Variants in ACER1 observed in about 807,000 individuals in gnomAD.
The protein encoded by ACER1 is CTB-180A7.3.
In ACER1, 28 loss-of-function variants were observed where a neutral mutation model predicts 24.9. That is an observed-to-expected ratio of 1.13 (90% CI 0.83 to 1.54). The LOEUF (loss-of-function observed/expected upper bound fraction) is 1.54, where lower values mean the gene tolerates loss of function less well. ACER1 is among the 40% of genes most tolerant of loss of function. ACER1 has a pLI of 0.00. For synonymous variants in ACER1, 132 were observed against 131.4 expected (o/e 1.00, Z -0.03); for missense variants, 352 against 349.3 (o/e 1.01, Z -0.06).
upstream of ACER1, among the ~76,000 whole-genome samples, chr19:6,337,431 C>T (rs376372753): frequency 2.7e-5 from 4 of 150,702 alleles, no homozygotes; most frequent in Admixed American, 1.3e-4. Flanking sequence ...TTTCCATTCA[C>T]GGTAGGGTTA....
chr19:6,356,574 A>G, the ACER1 span, among the ~76,000 whole-genome samples: 3 of 152,252 alleles, frequency 2.0e-5, no homozygotes, highest in South Asian at 2.1e-4. Context: ...GCCCTTTTGC[A>G]TGCCCTTCTC....
chr19:6,355,736 CCAGGAGGGAGG>C, the ACER1 span, among the ~76,000 whole-genome samples: 1 of 142,406 alleles, frequency 7.0e-6, no homozygotes, highest in African/African-American at 2.7e-5. Flanking sequence ...GCCGCCCCGT[CCAGGAGGGAGG>C]TGGGGGGGTC....
At chr19:6,349,479 AGGAG>A in the ACER1 span, among the ~76,000 whole-genome samples, 1,613 of 133,634 alleles carry the variant, frequency 0.012, 43 homozygotes, top group African/African-American at 0.047. Flanking sequence ...GAAGGAAGGA[AGGAG>A]GGAGGGAAGG....
rs567036401 is a variant in ACER1, at chr19:6,323,346, A to G, written c.93+10113T>C. On this transcript the variant is annotated intron_variant, in intron 1 of 5. Transcript: ENST00000301452. ...GAGGCAGGAGAATGGTGTGAACCCTAGGGGGCAGAGCCTGCAGTGAGCAGA... is the reference window on the plus strand; with the variant it reads ...GAGGCAGGAGAATGGTGTGAACCCTGGGGGGCAGAGCCTGCAGTGAGCAGA... Among the ~76,000 whole-genome samples the G allele has an allele frequency of 2.3e-3, 351 of 149,468 alleles. 9 individuals are homozygous for G. In the East Asian group the frequency reaches 0.067, roughly 29 times the overall value.
intron 1 of ACER1, among the ~76,000 whole-genome samples, chr19:6,320,363 A>G (rs1316254629): frequency 1.3e-5 from 2 of 152,056 alleles, no homozygotes; most frequent in Non-Finnish European, 2.9e-5. Context: ...CCCAGGCTGG[A>G]GTGTAGCGGC....
the ACER1 span, among the ~76,000 whole-genome samples, chr19:6,354,207 T>TA: frequency 2.0e-5 from 3 of 149,962 alleles, no homozygotes; most frequent in East Asian, 1.9e-4. Context: ...TAAAATAAAA[T>TA]AAATAAGTAA....
At chr19:6,354,036 G>T in the ACER1 span, among the ~76,000 whole-genome samples, 2 of 151,288 alleles carry the variant, frequency 1.3e-5, no homozygotes, top group Admixed American at 1.3e-4. Flanking sequence ...ACAAAAATTA[G>T]CCAGGCATGG....
chr19:6,307,329 A>G (rs767968355), intron 4 of ACER1, 39 bp from the exon 5 acceptor site: 4 of 1,609,248 alleles, frequency 2.5e-6, no homozygotes, highest in Admixed American at 3.4e-5. Flanking sequence ...TGGCTCGGAG[A>G]GCAGCACCTG....
chr19:6,349,753 C>T, the ACER1 span, among the ~76,000 whole-genome samples: 3 of 152,120 alleles, frequency 2.0e-5, no homozygotes, highest in Non-Finnish European at 2.9e-5. Flanking sequence ...TGGCTCTCTG[C>T]ACCTGAAGGT....
At chr19:6,322,529 C>T (rs1238327218) in intron 1 of ACER1, among the ~76,000 whole-genome samples, 2 of 152,110 alleles carry the variant, frequency 1.3e-5, no homozygotes, top group Non-Finnish European at 2.9e-5. Context: ...TTCCATGAAG[C>T]CTCCCAACAC....
chr19:6,351,223 G>A, the ACER1 span, among the ~76,000 whole-genome samples: 5 of 151,782 alleles, frequency 3.3e-5, no homozygotes, highest in East Asian at 1.9e-4. Context: ...AAAATTAGCC[G>A]GGCCTGGTGG....
intron 1 of ACER1, among the ~76,000 whole-genome samples, chr19:6,332,528 G>A (rs754134746): frequency 2.6e-5 from 4 of 151,946 alleles, no homozygotes; most frequent in South Asian, 2.1e-4. Context: ...CTGCCTCTGC[G>A]TTCCAAATTG....
At chr19:6,324,861 A>AGGG (rs2091652028) in intron 1 of ACER1, among the ~76,000 whole-genome samples, 1 of 10,334 alleles carries the variant, frequency 9.7e-5, no homozygotes, top group Non-Finnish European at 2.5e-4. Flanking sequence ...GAGAGAGAGA[A>AGGG]AGGAAGGAAG....
chr19:6,330,349 G>C lies in ACER1; in HGVS notation c.93+3110C>G, dbSNP rs1034948121. Among the ~76,000 whole-genome samples, 5 of 149,284 alleles carry C rather than the reference G, an allele frequency of 3.3e-5. 1 individual carries two copies. The highest frequency in any genetic ancestry group is 1.3e-4 in the African/African-American group (5 of 39,194). ...TGCCCAGCTAATTTTTGTATTTTTA[G>C]TAGAGATGGGGTTTCACCATGTTGT... On this transcript the variant is annotated intron_variant, in intron 1 of 5. Transcript: ENST00000301452.
At chr19:6,339,033 C>T in the ACER1 span, among the ~76,000 whole-genome samples, 4 of 151,888 alleles carry the variant, frequency 2.6e-5, no homozygotes, top group East Asian at 1.9e-4. Flanking sequence ...CCCACCACCA[C>T]GTCGGGCTAA....
At chr19:6,338,201 A>C (rs2091722453), upstream of ACER1, among the ~76,000 whole-genome samples, 1 of 152,188 alleles carries the variant, frequency 6.6e-6, no homozygotes, top group Admixed American at 6.6e-5. Flanking sequence ...ATCCTAGCTC[A>C]CAGCAATGTC....
At chr19:6,355,236 G>A in the ACER1 span, among the ~76,000 whole-genome samples, 36 of 151,922 alleles carry the variant, frequency 2.4e-4, no homozygotes, top group African/African-American at 8.2e-4. Flanking sequence ...GCCTCTGCCC[G>A]GCCGCCACCC....
intron 1 of ACER1, among the ~76,000 whole-genome samples, chr19:6,324,869 A>G (rs111364988): frequency 0.03 from 2,913 of 98,230 alleles, 57 homozygotes; most frequent in South Asian, 0.088. Flanking sequence ...GAAAGGAAGG[A>G]AGGAAGGAAG....
In ACER1 at chr19:6,312,325, G is replaced by A. The variant is rs371881450; in HGVS notation, c.209-35C>T. On this transcript the variant is annotated intron_variant, in intron 2 of 5. Coordinates refer to ENST00000301452, the MANE Select transcript of ACER1 (RefSeq NM_133492.3). ...CAAGGGCAGGCGGTCAGTGGGGTCC[G>A]CCACCTCCTAAACCCCCACTGCCTC... is the stretch of plus-strand genomic sequence containing the variant. The A allele has an allele frequency of 2.7e-5, 44 of 1,613,464 alleles. No homozygotes were observed. In the East Asian group the frequency reaches 4.9e-4, roughly 18 times the overall value.
Sources: gnomAD v4.1 joint callset for allele counts (sites outside exome capture counted in the v4.1 genomes callset) on GRCh38, gnomAD v4.1.1 for gene constraint, MANE v1.5 for transcripts, NCBI Gene and HGNC (gene_info 2026-07-23, HGNC 2026-07-21) for gene names.